The following CACNA2D3 variants were observed in gnomAD, a reference collection of about 807,000 sequenced individuals.
CACNA2D3 encodes the protein calcium voltage-gated channel auxiliary subunit alpha2delta 3, also known as voltage-dependent calcium channel subunit alpha-2/delta-3.
In CACNA2D3, 60 loss-of-function variants were observed where a neutral mutation model predicts 160.6. That is an observed-to-expected ratio of 0.37 (90% CI 0.30 to 0.46). The LOEUF is 0.46. Ranked by LOEUF, CACNA2D3 falls within the 20% of genes least tolerant of loss-of-function variation. The pLI, the probability that CACNA2D3 is intolerant of heterozygous loss-of-function variation, is 1.00. For missense variants in CACNA2D3, 1,205 were observed against 1,365.0 expected, an observed-to-expected ratio of 0.88 and a Z score of 1.85; for synonymous variants, 558 against 492.9, an observed-to-expected ratio of 1.13 and a Z score of -1.75.
chr3:55,052,169 C>T (rs1242474259), intron 35 of CACNA2D3, among the ~76,000 whole-genome samples: 1 of 152,148 alleles, frequency 6.6e-6, no homozygotes, highest in Admixed American at 6.5e-5. Flanking sequence ...TCTCATTTTC[C>T]TTATGGCTTC....
chr3:54,377,679 G>A (rs747733871), intron 3 of CACNA2D3, among the ~76,000 whole-genome samples: 42 of 152,284 alleles, frequency 2.8e-4, no homozygotes, highest in Non-Finnish European at 4.3e-4. Flanking sequence ...CAGTGAGTAG[G>A]AAGACCTGGA....
chr3:54,653,332 TTTCTC>T (rs1699811857), intron 11 of CACNA2D3, among the ~76,000 whole-genome samples: 1 of 152,178 alleles, frequency 6.6e-6, no homozygotes, highest in Admixed American at 6.5e-5. Flanking sequence ...GGTGCTGACA[TTTCTC>T]TCTTCTCTTT....
chr3:54,279,712 G>A (rs887405872), intron 2 of CACNA2D3, among the ~76,000 whole-genome samples: 2 of 152,148 alleles, frequency 1.3e-5, no homozygotes, highest in African/African-American at 4.8e-5. Flanking sequence ...CCTAATAATT[G>A]AAACCATTTC....
intron 2 of CACNA2D3, among the ~76,000 whole-genome samples, chr3:54,199,742 A>G (rs907470325): frequency 1.3e-5 from 2 of 152,168 alleles, no homozygotes; most frequent in Admixed American, 1.3e-4. Context: ...TAAAAATAGT[A>G]TTTTGTGTTT....
At chr3:54,201,086 C>T (rs1461031123) in intron 2 of CACNA2D3, among the ~76,000 whole-genome samples, 7 of 152,100 alleles carry the variant, frequency 4.6e-5, no homozygotes, top group Non-Finnish European at 8.8e-5. Context: ...GTGAAATAAG[C>T]GCTGGGTTTT....
At chr3:54,382,998 C>A (rs1013601700) in intron 3 of CACNA2D3, among the ~76,000 whole-genome samples, 1 of 152,142 alleles carries the variant, frequency 6.6e-6, no homozygotes, top group African/African-American at 2.4e-5. Flanking sequence ...CAGGTGGGTG[C>A]CACCACGCCT....
intron 3 of CACNA2D3, among the ~76,000 whole-genome samples, chr3:54,324,811 A>G (rs1456168929): frequency 2.0e-5 from 3 of 152,194 alleles, no homozygotes; most frequent in African/African-American, 4.8e-5. Flanking sequence ...GATATTTCAC[A>G]TGTTGGACAT....
intron 27 of CACNA2D3, among the ~76,000 whole-genome samples, chr3:54,953,515 G>T (rs1701808861): frequency 1.3e-5 from 2 of 152,196 alleles, no homozygotes; most frequent in Admixed American, 1.3e-4. Context: ...GGCCCATGCT[G>T]TGCGTAGAGG....
intron 13 of CACNA2D3, 143 bp downstream of exon 13, chr3:54,764,494 C>A: frequency 1.0e-6 from 1 of 957,682 alleles, no homozygotes; most frequent in South Asian, 2.2e-5. Flanking sequence ...TGTTGGTCAC[C>A]TTGACAAGCA....
rs942226688 is a variant in CACNA2D3 at position 54,409,421 on chromosome 3, C to T, written c.381+22647C>T. ...ATTCCCTCATCTCTCTCCCTCTCTT[C>T]AGACCTATTTCCTGAGACACAAGAA... is the stretch of plus-strand genomic sequence containing the variant. On this transcript the variant is annotated intron_variant, in intron 4 of 37. Transcript: ENST00000474759. Among the ~76,000 whole-genome samples, 4 of 152,324 alleles carry T rather than the reference C, an allele frequency of 2.6e-5. No individual in the cohort carries two copies. The South Asian group carries it at 6.2e-4, about 24-fold the overall frequency.
intron 9 of CACNA2D3, among the ~76,000 whole-genome samples, chr3:54,588,250 T>TA (rs560645169): frequency 8.0e-4 from 122 of 152,276 alleles, no homozygotes; most frequent in African/African-American, 2.1e-3. Context: ...AGGCATTTGA[T>TA]AAAAAACACC....
At chr3:54,148,007 A>G (rs930055957) in intron 2 of CACNA2D3, among the ~76,000 whole-genome samples, 2 of 152,192 alleles carry the variant, frequency 1.3e-5, no homozygotes, top group Admixed American at 6.5e-5. Context: ...GGGTTTCACC[A>G]TGCTGGCCAG....
At chr3:54,764,774 C>T (rs1203774127) in intron 13 of CACNA2D3, among the ~76,000 whole-genome samples, 1 of 152,144 alleles carries the variant, frequency 6.6e-6, no homozygotes, top group East Asian at 1.9e-4. Context: ...GAATTGGGGC[C>T]ACCATGGAGG....
At chr3:54,123,715 C>G (rs1448710904) in intron 2 of CACNA2D3, 121 bp downstream of exon 2, 2 of 819,490 alleles carry the variant, frequency 2.4e-6, no homozygotes, top group Non-Finnish European at 4.2e-6. Context: ...CTCTCTGATC[C>G]CCGGGTTTCT....
At chr3:55,021,625 G>GTGTATATA (rs1703450189) in intron 35 of CACNA2D3, among the ~76,000 whole-genome samples, 1 of 131,498 alleles carries the variant, frequency 7.6e-6, no homozygotes, top group African/African-American at 2.8e-5. Context: ...ATGTGTGTGT[G>GTGTATATA]TATATATATA....
chr3:54,314,050 C>G (rs1387781014), intron 2 of CACNA2D3, among the ~76,000 whole-genome samples: 1 of 152,114 alleles, frequency 6.6e-6, no homozygotes, highest in Non-Finnish European at 1.5e-5. Flanking sequence ...TCGCCTGCTT[C>G]CCACCCTTAC....
At chr3:54,787,743 A>G (rs188390311) in intron 13 of CACNA2D3, among the ~76,000 whole-genome samples, 1 of 152,330 alleles carries the variant, frequency 6.6e-6, no homozygotes, top group East Asian at 1.9e-4. Flanking sequence ...AGGATTATTT[A>G]GTAAAGTTTG....
intron 2 of CACNA2D3, among the ~76,000 whole-genome samples, chr3:54,237,291 G>T (rs1328435254): frequency 1.3e-5 from 2 of 152,140 alleles, no homozygotes; most frequent in African/African-American, 4.8e-5. Context: ...AAAGTTTGCC[G>T]TGCAGGGGAG....
chr3:54,785,103 C>T (rs534757827), intron 13 of CACNA2D3, among the ~76,000 whole-genome samples: 99 of 152,326 alleles, frequency 6.5e-4, no homozygotes, highest in African/African-American at 2.2e-3. Context: ...CCACAGTAGC[C>T]ACCAGCAGAG....
Sources: gnomAD v4.1 joint callset for allele counts (sites outside exome capture counted in the v4.1 genomes callset) on GRCh38, gnomAD v4.1.1 for gene constraint, MANE v1.5 for transcripts, NCBI Gene and HGNC (gene_info 2026-07-23, HGNC 2026-07-21) for gene names.